Variants in UTRN observed in about 807,000 individuals in gnomAD.
The protein encoded by UTRN is utrophin, also known as dystrophin-related protein 1.
A neutral mutation model predicts 463.9 loss-of-function variants in UTRN; 283 were observed. The observed-to-expected ratio is 0.61, with a 90% CI of 0.55 to 0.67. UTRN has a LOEUF of 0.67. Ranked by LOEUF, UTRN falls within the 30% of genes least tolerant of loss-of-function variation. The pLI is 0.00. For synonymous variants in UTRN, 1,442 were observed against 1,431.5 expected, an observed-to-expected ratio of 1.01 and a Z score of -0.17; for missense variants, 3,922 against 4,084.3, an observed-to-expected ratio of 0.96 and a Z score of 1.08.
rs1783889494 is a variant in UTRN at position 144,411,459 on chromosome 6, T to C, written c.141+8275T>C. Among the ~76,000 whole-genome samples the C allele has an allele frequency of 2.0e-5, 3 of 152,076 alleles. No individual in the cohort carries two copies. The South Asian group carries it at 6.2e-4, about 32-fold the overall frequency. Reference sequence around the variant, plus strand: ...CCTCCAGCCCTCACCTGATTGTCCGTGGAGTATGCTAGTGGCCCCTGCCTC... The same window carrying C: ...CCTCCAGCCCTCACCTGATTGTCCGCGGAGTATGCTAGTGGCCCCTGCCTC... On this transcript the variant is annotated intron_variant, in intron 3 of 74. Transcript: ENST00000367545.
chr6:144,626,280 C>T (rs1004681494), intron 51 of UTRN, among the ~76,000 whole-genome samples: 49 of 152,156 alleles, frequency 3.2e-4, no homozygotes, highest in African/African-American at 1.1e-3. Context: ...ATCACAGGGT[C>T]AGTAATAAAT....
intron 2 of UTRN, among the ~76,000 whole-genome samples, chr6:144,336,094 G>T (rs1039528961): frequency 6.6e-6 from 1 of 152,142 alleles, no homozygotes; most frequent in Admixed American, 6.6e-5. Context: ...AACATCCTCA[G>T]ATTTGCATGT....
intron 53 of UTRN, among the ~76,000 whole-genome samples, chr6:144,722,043 G>A (rs1407977712): frequency 6.6e-6 from 1 of 152,160 alleles, no homozygotes; most frequent in Admixed American, 6.5e-5. Flanking sequence ...CAATGGCCAA[G>A]CCTTGAGCCA....
At chr6:144,799,071 C>G (rs7747936) in intron 64 of UTRN, among the ~76,000 whole-genome samples, 79,025 of 152,164 alleles carry the variant, frequency 0.52, 22,263 homozygotes, top group East Asian at 0.89. Context: ...ACCAGAAGAT[C>G]AAGTACCAAT....
At chr6:144,314,445 T>C (rs953840902) in intron 2 of UTRN, among the ~76,000 whole-genome samples, 4 of 152,192 alleles carry the variant, frequency 2.6e-5, no homozygotes, top group Admixed American at 6.5e-5. Flanking sequence ...AACTTGTTGA[T>C]GGGAAATGTA....
chr6:144,806,549 T>A (rs1232944556), intron 65 of UTRN, among the ~76,000 whole-genome samples: 1 of 145,936 alleles, frequency 6.9e-6, no homozygotes, highest in African/African-American at 2.5e-5. Context: ...CAATGAATGA[T>A]CTGATTGCTA....
At chr6:144,815,754 G>T (rs1202940717) in intron 65 of UTRN, among the ~76,000 whole-genome samples, 1 of 152,128 alleles carries the variant, frequency 6.6e-6, no homozygotes, top group Non-Finnish European at 1.5e-5. Flanking sequence ...CGGGTTTGAG[G>T]GTGTATCTGC....
rs537463744 is a variant in UTRN, at chr6:144,612,488, T to C, written c.7479+35200T>C. Among the ~76,000 whole-genome samples, 10 of 152,084 alleles carry C rather than the reference T, an allele frequency of 6.6e-5. No homozygotes were observed. The East Asian group carries it at 1.9e-3, about 29-fold the overall frequency. On this transcript the variant is annotated intron_variant, in intron 51 of 74. Coordinates refer to ENST00000367545, the MANE Select transcript of UTRN (RefSeq NM_007124.3). ...ATAAGGGGTTAACAGCCAATATATA[T>C]AAGCACTCAACTCAGCAAGAAAACA...
At chr6:144,646,398 G>A (rs1413779246) in intron 51 of UTRN, among the ~76,000 whole-genome samples, 1 of 152,098 alleles carries the variant, frequency 6.6e-6, no homozygotes, top group African/African-American at 2.4e-5. Context: ...TCACCAAAAT[G>A]TTACTAGGTT....
At chr6:144,666,656 C>T (rs1012197831) in intron 51 of UTRN, among the ~76,000 whole-genome samples, 1 of 152,206 alleles carries the variant, frequency 6.6e-6, no homozygotes, top group Non-Finnish European at 1.5e-5. Flanking sequence ...AAAATAATGT[C>T]TGTGGATTTC....
intron 46 of UTRN, among the ~76,000 whole-genome samples, chr6:144,545,242 T>A (rs1333709408): frequency 6.6e-6 from 1 of 152,258 alleles, no homozygotes; most frequent in East Asian, 1.9e-4. Flanking sequence ...ATCCTGATTT[T>A]ATTCTTGCCT....
chr6:144,502,764 A>G (rs1324857299), intron 34 of UTRN, among the ~76,000 whole-genome samples: 4 of 152,218 alleles, frequency 2.6e-5, no homozygotes, highest in Admixed American at 2.6e-4. Context: ...TCCTTTGAGT[A>G]TATACCCGGT....
At chr6:144,326,636 C>T (rs1417810170) in intron 2 of UTRN, among the ~76,000 whole-genome samples, 2 of 152,110 alleles carry the variant, frequency 1.3e-5, no homozygotes, top group African/African-American at 2.4e-5. Context: ...ATACTAGGAG[C>T]GAGCCGACTT....
chr6:144,395,414 T>G, intron 2 of UTRN, among the ~76,000 whole-genome samples: 1 of 151,970 alleles, frequency 6.6e-6, no homozygotes, highest in East Asian at 1.9e-4. Flanking sequence ...TTTTTTTTTT[T>G]TTTTGCAAAA....
chr6:144,590,699 G>A (rs1052846959), intron 51 of UTRN, among the ~76,000 whole-genome samples: 4 of 152,128 alleles, frequency 2.6e-5, no homozygotes, highest in Admixed American at 6.6e-5. Flanking sequence ...TCGTTCACAC[G>A]AGTCTAGCGT....
chr6:144,685,843 T>A (rs919874581), intron 52 of UTRN, among the ~76,000 whole-genome samples: 6 of 152,182 alleles, frequency 3.9e-5, no homozygotes, highest in African/African-American at 1.2e-4. Context: ...GTGGGTTGTT[T>A]TTTTGCTCTG....
At chr6:144,825,337 C>T (rs780555047) in intron 66 of UTRN, among the ~76,000 whole-genome samples, 25 of 152,160 alleles carry the variant, frequency 1.6e-4, no homozygotes, top group Admixed American at 9.8e-4. Context: ...ATTTCCAAGG[C>T]TTTGTAATGA....
At chr6:144,674,240 T>G (rs765813881) in intron 51 of UTRN, among the ~76,000 whole-genome samples, 16 of 152,040 alleles carry the variant, frequency 1.1e-4, no homozygotes, top group Non-Finnish European at 1.9e-4. Context: ...TCAAATAAAT[T>G]TTCCAAACTT....
chr6:144,752,646 G>A (rs1586386380), intron 56 of UTRN, among the ~76,000 whole-genome samples: 4 of 152,248 alleles, frequency 2.6e-5, no homozygotes, highest in Admixed American at 2.6e-4. Context: ...TGCAAAGAGT[G>A]TTAATAACCT....
Sources: allele counts gnomAD v4.1 joint callset (sites outside exome capture counted in the v4.1 genomes callset), GRCh38; gene constraint gnomAD v4.1.1; transcripts MANE v1.5; gene names NCBI Gene and HGNC (gene_info 2026-07-23, HGNC 2026-07-21).